The following KIF1A variants were observed in gnomAD, a reference collection of about 807,000 sequenced individuals.
The protein encoded by KIF1A is kinesin-like protein KIF1A.
A neutral mutation model predicts 227.3 loss-of-function variants in KIF1A; 46 were observed. The ratio of observed to expected loss-of-function variants is 0.20; its 90% CI spans 0.16 to 0.26. The LOEUF is 0.26. Among genes scored for constraint, KIF1A ranks in the 10% least tolerant of loss-of-function variants. The probability of loss-of-function intolerance (pLI) is 1.00; values close to 1 mark genes in which losing one functional copy is unlikely to be tolerated. For synonymous variants in KIF1A, 1,022 were observed against 1,012.8 expected (o/e 1.01, Z -0.17); for missense variants, 1,683 against 2,485.9 (o/e 0.68, Z 6.87).
intron 10 of KIF1A, chr2:240,782,169 G>A: frequency 1.0e-6 from 1 of 985,334 alleles, no homozygotes; most frequent in East Asian, 1.1e-4. Flanking sequence ...CTCCACACGC[G>A]CCCGCCTCCC....
chr2:240,736,770 C>T lies in KIF1A; in HGVS notation c.4007+293G>A, dbSNP rs913830600. Among the ~76,000 whole-genome samples, 7 of 152,238 alleles carry T rather than the reference C, an allele frequency of 4.6e-5. No individual in the cohort carries two copies. The highest frequency in any genetic ancestry group is 1.7e-4 in the African/African-American group (7 of 41,458). ...GTCCCCACACCACGCAACCACAAAA[C>T]TCCCGAGGACAGAACTCAGCTCATC... is the stretch of plus-strand genomic sequence containing the variant. On this transcript the variant is annotated intron_variant, in intron 38 of 48. Coordinates refer to ENST00000498729, the MANE Select transcript of KIF1A (RefSeq NM_001244008.2). This position sits in a 1 kb window ranked among gnomAD's most constrained non-coding sequence, Gnocchi z 4.7.
intron 12 of KIF1A, among the ~76,000 whole-genome samples, chr2:240,773,810 C>T (rs1339175837): frequency 6.6e-6 from 1 of 152,134 alleles, no homozygotes; most frequent in Non-Finnish European, 1.5e-5. Context: ...CTCCCCACCC[C>T]AGGTGCCCAC....
In KIF1A at chr2:240,742,952, C is replaced by T. The variant is rs369849214; in HGVS notation, c.3617G>A (p.Arg1206Gln). 43 of 1,611,526 alleles carry T rather than the reference C, an allele frequency of 2.7e-5. No individual in the cohort carries two copies. Among genetic ancestry groups the T allele is most frequent in the Non-Finnish European group, 3.1e-5 (36 of 1,178,882 alleles). Residue 1206 changes from arginine to glutamine, a missense_variant, in exon 34 of 49, where the codon CGG (arginine) becomes CAG (glutamine). Around this residue, in one of 12 missense-constraint regions of KIF1A, gnomAD observed 759 missense variants for 1,020.2 expected, o/e 0.74. Coordinates refer to ENST00000498729, the MANE Select transcript of KIF1A (RefSeq NM_001244008.2). ...PLRPSRRHFP[R>Q]VMPLSKPVPA... is the part of the protein sequence containing the mutation. ...ACCTGGCTTGGACAGTGGCATGACCCGAGGGAAGTGGCGGCGCGAGGGCCT... is the reference window on the plus strand; with the variant it reads ...ACCTGGCTTGGACAGTGGCATGACCTGAGGGAAGTGGCGGCGCGAGGGCCT...
intron 34 of KIF1A, among the ~76,000 whole-genome samples, chr2:240,742,255 G>A (rs11895655): frequency 0.046 from 6,995 of 152,240 alleles, 444 homozygotes; most frequent in African/African-American, 0.14. Flanking sequence ...AGCTGCAGAA[G>A]CAGCTTCTCA....
At chr2:240,765,823 A>G in intron 19 of KIF1A, 30 bp from the exon 20 acceptor site, 1 of 1,545,658 alleles carries the variant, frequency 6.5e-7, no homozygotes. Flanking sequence ...GGCAGAGAGG[A>G]GGACTATGAG....
intron 38 of KIF1A, among the ~76,000 whole-genome samples, chr2:240,732,861 G>A (rs2046900275): frequency 8.0e-6 from 1 of 125,320 alleles, no homozygotes. Flanking sequence ...ATGAGGGTAT[G>A]AGGAAGGGAT....
Position 240,748,660 on chromosome 2 carries a change from C to T in KIF1A, c.2978-1339G>A, listed in dbSNP as rs528534581. ...TGAGTATTGCAGCCCTGGTAAACAC[C>T]CCACCTTCCAGCAGCAGGGCTGGGG... On this transcript the variant is annotated intron_variant, in intron 28 of 48. Coordinates refer to ENST00000498729, the MANE Select transcript of KIF1A (RefSeq NM_001244008.2). 1.8e-4 allele frequency: 56 copies of T among 309,298 alleles called. 2 individuals are homozygous for T. The highest frequency in any genetic ancestry group is 1.5e-3 in the South Asian group (55 of 35,580). The allele number at this position is 309,298 out of a possible 1,614,324, so 19.2% of individuals were successfully genotyped here.
chr2:240,814,327 A>T (rs1343374646), intron 1 of KIF1A, among the ~76,000 whole-genome samples: 1 of 152,142 alleles, frequency 6.6e-6, no homozygotes, highest in African/African-American at 2.4e-5. Flanking sequence ...CCTGCTCATA[A>T]GTGACCTGAT....
At chr2:240,741,864 T>A (rs1189991044) in intron 34 of KIF1A, among the ~76,000 whole-genome samples, 1 of 152,096 alleles carries the variant, frequency 6.6e-6, no homozygotes, top group Non-Finnish European at 1.5e-5. Flanking sequence ...CCACTGACCC[T>A]CCACTCGTGT....
rs764252869 is a variant in KIF1A at position 240,780,339 on chromosome 2, G to A, written c.882+2251C>T. ...CCATTTCCACAGGTCCTCAGAGTAC[G>A]CGGAGCTCCAGCTCCACAGAGCCCC... is the stretch of plus-strand genomic sequence containing the variant. On this transcript the variant is annotated intron_variant, in intron 10 of 48. Coordinates refer to ENST00000498729, the MANE Select transcript of KIF1A (RefSeq NM_001244008.2). Among the ~76,000 whole-genome samples, 7 of 151,742 alleles carry A rather than the reference G, an allele frequency of 4.6e-5. 1 individual carries two copies. The highest frequency in any genetic ancestry group is 4.2e-4 in the South Asian group (2 of 4,808).
In KIF1A at chr2:240,758,958, A is replaced by G. The variant is rs962317459; in HGVS notation, c.2445-461T>C. ...CTACAAATTATTATTCCCAAGAAAA[A>G]CTTAATGTAGGACAAAGGAAAAGCA... is the stretch of plus-strand genomic sequence containing the variant. On this transcript the variant is annotated intron_variant, in intron 25 of 48. Transcript: ENST00000498729. The surrounding 1 kb of genome is among the most constrained non-coding windows in gnomAD (Gnocchi z 5.2). 1.3e-5 allele frequency among the ~76,000 whole-genome samples: 2 copies of G among 152,178 alleles called. No homozygotes were observed. Among genetic ancestry groups the G allele is most frequent in the Non-Finnish European group, 2.9e-5 (2 of 68,036 alleles).
In KIF1A at chr2:240,721,762, G is replaced by A. The variant is rs2045417919; in HGVS notation, c.4743+45C>T. ...TCCTCAGGGACCACTGCCTATGGGA[G>A]CCCGAGCCCTGCGGGGCAGCCTGGT... is the stretch of plus-strand genomic sequence containing the variant. On this transcript the variant is annotated intron_variant, in intron 44 of 48. Coordinates refer to ENST00000498729, the MANE Select transcript of KIF1A (RefSeq NM_001244008.2). 2.0e-6 allele frequency: 3 copies of A among 1,502,164 alleles called. 1 individual carries two copies. Among genetic ancestry groups the A allele is most frequent in the South Asian group, 2.3e-5 (2 of 85,442 alleles). 93.1% of individuals were successfully genotyped at this position (1,502,164 alleles called of 1,614,324 possible).
At chr2:240,818,212 G>A (rs1178107420) in intron 1 of KIF1A, among the ~76,000 whole-genome samples, 2 of 152,116 alleles carry the variant, frequency 1.3e-5, no homozygotes, top group Non-Finnish European at 2.9e-5. Context: ...GCCCGGGGAG[G>A]ACACCTGCAG....
intron 1 of KIF1A, among the ~76,000 whole-genome samples, chr2:240,812,570 C>T (rs73104625): frequency 6.7e-6 from 1 of 150,352 alleles, no homozygotes; most frequent in Non-Finnish European, 1.5e-5. Flanking sequence ...TCGGGATCCA[C>T]ATTCACCTCA....
chr2:240,720,427 T>TTA lies in KIF1A; in HGVS notation c.4868+485_4868+486dup, dbSNP rs559811611. The TTA allele has an allele frequency of 5.0e-4, 79 of 158,696 alleles. No individual in the cohort carries two copies. The South Asian group carries it at 7.5e-3, about 15-fold the overall frequency. 9.8% of individuals were successfully genotyped at this position (158,696 alleles called of 1,614,324 possible). On this transcript the variant is annotated intron_variant, in intron 45 of 48. Coordinates refer to ENST00000498729, the MANE Select transcript of KIF1A (RefSeq NM_001244008.2). ...AGGCCAGCTGATGCCACCGTCTTTC[T>TTA]TATTTAAATGAAAATCTGGAACCCT...
At chr2:240,767,066 C>T in intron 18 of KIF1A, 45 bp from the exon 19 acceptor site, 2 of 1,458,688 alleles carry the variant, frequency 1.4e-6, no homozygotes, top group South Asian at 2.4e-5. Context: ...GGACCCAATA[C>T]ACCCAGGACG....
chr2:240,726,277 C>T lies in KIF1A; in HGVS notation c.4122+549G>A, dbSNP rs2045988467. On this transcript the variant is annotated intron_variant, in intron 39 of 48. Transcript: ENST00000498729. This position sits in a 1 kb window ranked among gnomAD's most constrained non-coding sequence, Gnocchi z 5.2. ...GCCATCTTGCATCCCAAGGACAACA[C>T]CCACACACTAAGTATGGTAGAGTGA... 6.6e-6 allele frequency among the ~76,000 whole-genome samples: 1 copy of T among 152,198 alleles called. No individual in the cohort carries two copies. The highest frequency in any genetic ancestry group is 1.5e-5 in the Non-Finnish European group (1 of 68,040).
At chr2:240,782,990 G>T in intron 9 of KIF1A, 54 bp downstream of exon 9, 1 of 1,402,382 alleles carries the variant, frequency 7.1e-7, no homozygotes, top group Non-Finnish European at 1.0e-6. Flanking sequence ...GGCAGGATGG[G>T]GCGCCAAAGA....
Position 240,736,938 on chromosome 2 carries a change from G to A in KIF1A, c.4007+125C>T, listed in dbSNP as rs535019020. ...ACCGCACAGCTCCTGCAGGTGCCAG[G>A]AGGGAGGGCCGGGAGAGCGTTGAGC... On this transcript the variant is annotated intron_variant, in intron 38 of 48. Transcript: ENST00000498729. This position sits in a 1 kb window ranked among gnomAD's most constrained non-coding sequence, Gnocchi z 4.7. 26 of 775,850 alleles carry A rather than the reference G, an allele frequency of 3.4e-5. No homozygotes were observed. In the Admixed American group the frequency reaches 4.9e-4, roughly 15 times the overall value. 48.1% of individuals were successfully genotyped at this position (775,850 alleles called of 1,614,324 possible). A position where few individuals can be genotyped will look rare whatever the true frequency, so the allele number is the denominator to read the frequency against.
Sources: gnomAD v4.1 joint callset for allele counts (sites outside exome capture counted in the v4.1 genomes callset) on GRCh38, gnomAD v4.1.1 for gene constraint, gnomAD v4.1.1 regional missense constraint, Gnocchi (gnomAD v3.1) non-coding constraint, MANE v1.5 for transcripts, NCBI Gene and HGNC (gene_info 2026-07-23, HGNC 2026-07-21) for gene names.